Variants in PRKG1 observed in about 807,000 individuals in gnomAD.
The protein encoded by PRKG1 is cGMP-dependent protein kinase 1.
PRKG1 carries 35 observed loss-of-function variants against 88.1 expected under a neutral mutation model. That is an observed-to-expected ratio of 0.40 (90% confidence interval 0.30 to 0.53). The LOEUF is 0.53. Ranked by LOEUF, PRKG1 falls within the 20% of genes least tolerant of loss-of-function variation. PRKG1 has a pLI of 0.59. For missense variants in PRKG1, 540 were observed against 839.8 expected (o/e 0.64, Z 4.41); for synonymous variants, 303 against 292.5 (o/e 1.04, Z -0.37).
At chr10:51,865,228 C>A (rs896607504) in intron 4 of PRKG1, among the ~76,000 whole-genome samples, 1 of 151,974 alleles carries the variant, frequency 6.6e-6, no homozygotes. Context: ...AGTAAAATAA[C>A]CTCATGATGA....
chr10:51,785,286 T>A (rs10465972), intron 3 of PRKG1, among the ~76,000 whole-genome samples: 24,016 of 151,934 alleles, frequency 0.16, 2,763 homozygotes, highest in African/African-American at 0.33. Context: ...CAGGTTTCCA[T>A]GTTTGTCTTT....
intron 3 of PRKG1, among the ~76,000 whole-genome samples, chr10:51,688,565 C>CT (rs35034840): frequency 0.71 from 87,173 of 123,478 alleles, 32,627 homozygotes; most frequent in Non-Finnish European, 0.83. Context: ...AGTAACAATC[C>CT]TTTTTTTTTT....
chr10:51,994,846 C>T (rs1352918992), intron 5 of PRKG1, among the ~76,000 whole-genome samples: 1 of 152,114 alleles, frequency 6.6e-6, no homozygotes, highest in Non-Finnish European at 1.5e-5. Flanking sequence ...GTCACTGCTT[C>T]TATCACCTTG....
intron 4 of PRKG1, among the ~76,000 whole-genome samples, chr10:51,864,990 T>G (rs188257793): frequency 6.6e-6 from 1 of 152,260 alleles, no homozygotes; most frequent in Admixed American, 6.5e-5. Flanking sequence ...AGGATAATTA[T>G]GGAATATAAA....
intron 9 of PRKG1, among the ~76,000 whole-genome samples, chr10:52,217,390 ATATATG>A (rs1840139994): frequency 6.6e-6 from 1 of 152,022 alleles, no homozygotes; most frequent in Non-Finnish European, 1.5e-5. Flanking sequence ...ACACACACTT[ATATATG>A]TATAAGTAGA....
At chr10:51,475,351 C>T (rs1489032708) in intron 3 of PRKG1, among the ~76,000 whole-genome samples, 1 of 151,892 alleles carries the variant, frequency 6.6e-6, no homozygotes, top group Non-Finnish European at 1.5e-5. Flanking sequence ...CCCTGCTCTA[C>T]TGAAAGGAAA....
intron 5 of PRKG1, among the ~76,000 whole-genome samples, chr10:52,026,441 A>G (rs567704430): frequency 6.7e-4 from 102 of 152,336 alleles, no homozygotes; most frequent in African/African-American, 2.4e-3. Context: ...GCCAAGTGAA[A>G]GATACCAAAC....
chr10:51,656,854 T>C (rs2132323357), intron 3 of PRKG1, among the ~76,000 whole-genome samples: 1 of 152,242 alleles, frequency 6.6e-6, no homozygotes, highest in African/African-American at 2.4e-5. Context: ...TACATGCTAG[T>C]GTCAATTAGA....
chr10:52,129,484 G>A, intron 7 of PRKG1, among the ~76,000 whole-genome samples: 1 of 152,080 alleles, frequency 6.6e-6, no homozygotes, highest in East Asian at 1.9e-4. Flanking sequence ...TAATATATAT[G>A]TTAATACTAA....
chr10:51,627,918 T>C (rs1839382864), intron 3 of PRKG1, among the ~76,000 whole-genome samples: 1 of 102,794 alleles, frequency 9.7e-6, no homozygotes, highest in African/African-American at 3.3e-5. Flanking sequence ...CTTCCCTTCC[T>C]TCCCTTCCTT....
chr10:51,804,855 T>C (rs1167587442), intron 4 of PRKG1, among the ~76,000 whole-genome samples, 165 bp downstream of exon 4: 2 of 152,050 alleles, frequency 1.3e-5, no homozygotes, highest in Non-Finnish European at 2.9e-5. Flanking sequence ...TTTATATTTC[T>C]GGTGATAAAT....
intron 3 of PRKG1, among the ~76,000 whole-genome samples, chr10:51,645,010 A>G (rs925074787): frequency 4.6e-5 from 7 of 152,038 alleles, no homozygotes; most frequent in Admixed American, 1.3e-4. Context: ...CTGGTCTCGA[A>G]CTCCTAACCT....
intron 9 of PRKG1, among the ~76,000 whole-genome samples, chr10:52,171,795 T>A (rs1441061669): frequency 2.3e-5 from 3 of 128,372 alleles, no homozygotes; most frequent in African/African-American, 1.0e-4. Flanking sequence ...AATTTTTTTT[T>A]TTTTTTTTTT....
chr10:51,563,254 A>G (rs1334458204), intron 3 of PRKG1, among the ~76,000 whole-genome samples: 2 of 152,178 alleles, frequency 1.3e-5, no homozygotes, highest in African/African-American at 2.4e-5. Flanking sequence ...GTAGATTACT[A>G]TAGTTAGCAA....
chr10:51,347,776 C>A (rs542559650), intron 2 of PRKG1, among the ~76,000 whole-genome samples: 1 of 152,064 alleles, frequency 6.6e-6, no homozygotes, highest in Admixed American at 6.5e-5. Context: ...TAAAAGTCAA[C>A]AAAGGCTGGG....
At chr10:51,626,017 A>C (rs547773458) in intron 3 of PRKG1, among the ~76,000 whole-genome samples, 25 of 152,334 alleles carry the variant, frequency 1.6e-4, no homozygotes, top group Middle Eastern at 6.8e-3. Flanking sequence ...ATTTTATTTT[A>C]CTTGCTGCAC....
chr10:51,120,077 T>C (rs1219520281), intron 1 of PRKG1, among the ~76,000 whole-genome samples: 1 of 152,136 alleles, frequency 6.6e-6, no homozygotes, highest in African/African-American at 2.4e-5. Flanking sequence ...TTGAGAATTT[T>C]TTTTTAACTT....
Position 51,067,270 on chromosome 10 carries a change from G to GTATATATA in PRKG1, c.266+75642_266+75649dup, listed in dbSNP as rs10612353. ...TGTTTGTGTGTTTGTATGTATGTGT[G>GTATATATA]TATATATATATATATATATATATGT... On this transcript the variant is annotated intron_variant, in intron 1 of 17. Coordinates refer to the PRKG1 transcript ENST00000401604. Among the ~76,000 whole-genome samples, 383 of 146,702 alleles carry GTATATATA rather than the reference G, an allele frequency of 2.6e-3. 1 individual carries two copies. The highest frequency in any genetic ancestry group is 8.4e-3 in the African/African-American group (337 of 40,018).
Position 51,021,972 on chromosome 10 carries a change from C to T in PRKG1, c.266+30328C>T, listed in dbSNP as rs576703726. Among the ~76,000 whole-genome samples, 89 of 152,306 alleles carry T rather than the reference C, an allele frequency of 5.8e-4. 1 individual carries two copies. The highest frequency in any genetic ancestry group is 3.4e-3 in the Middle Eastern group (1 of 294). On this transcript the variant is annotated intron_variant, in intron 1 of 17. Transcript: ENST00000401604. ...CTGGGATTACAGGTGTGAGCCACTG[C>T]GCCTGACCAAGCCTGGTTCTTATAA...
Sources: gnomAD v4.1 joint callset for allele counts (sites outside exome capture counted in the v4.1 genomes callset) on GRCh38, gnomAD v4.1.1 for gene constraint, MANE v1.5 for transcripts, NCBI Gene and HGNC (gene_info 2026-07-23, HGNC 2026-07-21) for gene names.